Variants in ELP3 observed in about 807,000 individuals in gnomAD.
The protein encoded by ELP3 is elongator acetyltransferase complex subunit 3, also known as elongator complex protein 3.
Under a neutral mutation model 74.9 loss-of-function variants are expected in ELP3, and 56 were observed. That is an observed-to-expected ratio of 0.75 (90% confidence interval 0.60 to 0.93). ELP3 has a LOEUF of 0.93. Ranked by LOEUF, ELP3 falls within the 40% of genes least tolerant of loss-of-function variation. The pLI is 0.00. For synonymous variants in ELP3, 222 were observed against 239.8 expected (o/e 0.93, Z 0.68); for missense variants, 573 against 686.5 (o/e 0.83, Z 1.85).
At chr8:28,110,940 A>G in intron 6 of ELP3, 1 of 159,142 alleles carries the variant, frequency 6.3e-6, no homozygotes, top group Non-Finnish European at 1.4e-5. Flanking sequence ...TTAGCATGGC[A>G]TTGTGGTGTG....
intron 7 of ELP3, among the ~76,000 whole-genome samples, chr8:28,125,281 G>A (rs1395225118): frequency 6.6e-6 from 1 of 152,210 alleles, no homozygotes; most frequent in African/African-American, 2.4e-5. Flanking sequence ...TTTCATCTCT[G>A]TACCATTTTT....
chr8:28,120,734 G>A (rs1211621175), intron 7 of ELP3, among the ~76,000 whole-genome samples: 1 of 152,128 alleles, frequency 6.6e-6, no homozygotes, highest in African/African-American at 2.4e-5. Flanking sequence ...AATATGAGGT[G>A]GGGATCAAGG....
chr8:28,187,848 T>C (rs73668168), intron 14 of ELP3, among the ~76,000 whole-genome samples: 7,205 of 152,192 alleles, frequency 0.047, 580 homozygotes, highest in African/African-American at 0.16. Flanking sequence ...ATGCAGCACC[T>C]GTGGACGAAT....
chr8:28,170,089 C>T (rs944476615), intron 14 of ELP3, among the ~76,000 whole-genome samples: 9 of 152,198 alleles, frequency 5.9e-5, no homozygotes, highest in Non-Finnish European at 4.4e-5. Context: ...TGTGAATACC[C>T]TAGGTGGTGA....
intron 7 of ELP3, among the ~76,000 whole-genome samples, chr8:28,125,321 G>A (rs753379014): frequency 6.6e-6 from 1 of 152,224 alleles, no homozygotes; most frequent in Non-Finnish European, 1.5e-5. Flanking sequence ...AACAGGTTGA[G>A]TATGAGGTTG....
rs375885431 is a variant in ELP3, at chr8:28,096,636, G to A, written c.20-583G>A. ...TCTGCTGTTGCCTTTGGATGAGACC[G>A]AGAGCCCCAGTTGCCAGAAGTTCAT... On this transcript the variant is annotated intron_variant, in intron 1 of 14. Transcript: ENST00000256398. Among the ~76,000 whole-genome samples the A allele has an allele frequency of 4.6e-5, 7 of 152,332 alleles. 1 individual carries two copies. Among genetic ancestry groups the A allele is most frequent in the African/African-American group, 1.4e-4 (6 of 41,578 alleles).
At chr8:28,173,018 G>A (rs1206530814) in intron 14 of ELP3, among the ~76,000 whole-genome samples, 2 of 151,932 alleles carry the variant, frequency 1.3e-5, no homozygotes, top group African/African-American at 4.8e-5. Context: ...TTAATATGCT[G>A]GTAAATTCAG....
At chr8:28,132,249 T>C in intron 8 of ELP3, 29 bp from the exon 9 acceptor site, 1 of 1,613,320 alleles carries the variant, frequency 6.2e-7, no homozygotes, top group Non-Finnish European at 8.5e-7. Flanking sequence ...AGGTAGTGAT[T>C]TTCACAGGTA....
At chr8:28,095,893 C>T (rs1811234319) in intron 1 of ELP3, among the ~76,000 whole-genome samples, 1 of 152,202 alleles carries the variant, frequency 6.6e-6, no homozygotes, top group African/African-American at 2.4e-5. Flanking sequence ...GAGTCCTCAG[C>T]CCCCTGGGCC....
At chr8:28,117,532 G>A (rs913617147) in intron 7 of ELP3, among the ~76,000 whole-genome samples, 4 of 152,012 alleles carry the variant, frequency 2.6e-5, no homozygotes, top group African/African-American at 9.7e-5. Context: ...AGAGGGCAAC[G>A]AACACTTTAT....
At chr8:28,108,711 C>T (rs931079150) in intron 5 of ELP3, among the ~76,000 whole-genome samples, 1 of 152,134 alleles carries the variant, frequency 6.6e-6, no homozygotes, top group Non-Finnish European at 1.5e-5. Context: ...CCTGCCTTGG[C>T]TTCCCAAAAT....
intron 7 of ELP3, among the ~76,000 whole-genome samples, chr8:28,127,352 G>T (rs923235630): frequency 6.6e-6 from 1 of 152,084 alleles, no homozygotes; most frequent in African/African-American, 2.4e-5. Context: ...CACCACGCTT[G>T]CTAACTTAAT....
intron 9 of ELP3, among the ~76,000 whole-genome samples, chr8:28,136,374 T>A (rs1481383758): frequency 6.6e-6 from 1 of 152,196 alleles, no homozygotes; most frequent in Non-Finnish European, 1.5e-5. Flanking sequence ...AAGGAATGTA[T>A]CAGCCTGTAT....
intron 14 of ELP3, among the ~76,000 whole-genome samples, chr8:28,174,147 AT>A (rs1372753203): frequency 6.6e-6 from 1 of 151,856 alleles, no homozygotes. Context: ...CCCTTTCCTT[AT>A]TGATCTTTTG....
At chr8:28,121,893 G>A (rs1812387869) in intron 7 of ELP3, among the ~76,000 whole-genome samples, 1 of 152,228 alleles carries the variant, frequency 6.6e-6, no homozygotes, top group Admixed American at 6.5e-5. Context: ...AGTGGTAAGA[G>A]TGGGCGTCTC....
chr8:28,171,369 G>C (rs574015783), intron 14 of ELP3, among the ~76,000 whole-genome samples: 1 of 150,522 alleles, frequency 6.6e-6, no homozygotes, highest in South Asian at 2.1e-4. Context: ...TTTTTTTATA[G>C]CCATCCTAGT....
At chr8:28,136,567 G>A (rs1271495496) in intron 9 of ELP3, among the ~76,000 whole-genome samples, 1 of 152,166 alleles carries the variant, frequency 6.6e-6, no homozygotes, top group Non-Finnish European at 1.5e-5. Context: ...CACAATTACA[G>A]AAGAAGATCT....
At chr8:28,139,568 T>C (rs1162309511) in intron 10 of ELP3, among the ~76,000 whole-genome samples, 2 of 152,226 alleles carry the variant, frequency 1.3e-5, no homozygotes, top group African/African-American at 2.4e-5. Context: ...TGAACATGTA[T>C]AGATTTTTTT....
intron 14 of ELP3, among the ~76,000 whole-genome samples, chr8:28,184,489 G>A (rs538277030): frequency 5.9e-5 from 9 of 152,182 alleles, no homozygotes; most frequent in Admixed American, 1.3e-4. Flanking sequence ...CTGTAGCTCC[G>A]TGGGAATCAT....
Sources: allele counts gnomAD v4.1 joint callset (sites outside exome capture counted in the v4.1 genomes callset), GRCh38; gene constraint gnomAD v4.1.1; transcripts MANE v1.5; gene names NCBI Gene and HGNC (gene_info 2026-07-23, HGNC 2026-07-21).